Variants in BICD2 observed in about 807,000 individuals in gnomAD.
The protein encoded by BICD2 is BICD cargo adaptor 2.
In BICD2, 25 loss-of-function variants were observed where a neutral mutation model predicts 72.9. The ratio of observed to expected loss-of-function variants is 0.34; its 90% confidence interval spans 0.25 to 0.48. The LOEUF (loss-of-function observed/expected upper bound fraction) is 0.48. BICD2 is among the 20% of genes least tolerant of loss of function. The pLI, the probability that BICD2 is intolerant of heterozygous loss-of-function variation, is 0.99. For missense variants in BICD2, 894 were observed against 1,175.2 expected (o/e 0.76, Z 3.50); for synonymous variants, 501 against 516.1 (o/e 0.97, Z 0.40).
intron 2 of BICD2, among the ~76,000 whole-genome samples, chr9:92,723,381 A>G (rs1853502384): frequency 6.6e-6 from 1 of 152,226 alleles, no homozygotes; most frequent in South Asian, 2.1e-4. Flanking sequence ...GTTCAGCCAC[A>G]ATAAGGAATG....
chr9:92,745,091 T>A (rs1853982201), intron 1 of BICD2, among the ~76,000 whole-genome samples: 1 of 151,986 alleles, frequency 6.6e-6, no homozygotes, highest in South Asian at 2.1e-4. Flanking sequence ...AGCAAAAACC[T>A]GATATAAGAA....
At chr9:92,756,042 ACCTCAGCAC>A (rs962363764) in intron 1 of BICD2, among the ~76,000 whole-genome samples, 5 of 152,254 alleles carry the variant, frequency 3.3e-5, no homozygotes, top group Admixed American at 1.3e-4. Flanking sequence ...CCTCACTATG[ACCTCAGCAC>A]CCTCAATGGT....
At position 92,715,031 on chromosome 9, in the gene BICD2, G is replaced by A. The variant is rs1347723303; in HGVS notation, c.*123C>T. On this transcript the variant is annotated 3_prime_UTR_variant, in exon 7 of 7. Coordinates refer to ENST00000356884, the MANE Select transcript of BICD2 (RefSeq NM_001003800.2). ...CTGATGCAACGCCCCATGGCGCCTC[G>A]GCTAGACTCCTACCCTCTGTGCATT... 1.3e-5 allele frequency: 19 copies of A among 1,437,448 alleles called. No homozygotes were observed. Among genetic ancestry groups the A allele is most frequent in the South Asian group, 3.0e-5 (2 of 65,988 alleles). 89.0% of individuals were successfully genotyped at this position (1,437,448 alleles called of 1,614,324 possible).
intron 1 of BICD2, among the ~76,000 whole-genome samples, chr9:92,735,679 A>C (rs894662279): frequency 5.3e-5 from 8 of 151,850 alleles, no homozygotes; most frequent in Non-Finnish European, 1.5e-5. Context: ...GGGGCCTGTG[A>C]AGCAAACAGC....
At chr9:92,755,888 T>A (rs558838529) in intron 1 of BICD2, among the ~76,000 whole-genome samples, 2 of 152,298 alleles carry the variant, frequency 1.3e-5, no homozygotes, top group Admixed American at 6.5e-5. Context: ...AGGGAGAAAT[T>A]GATCCACCTC....
chr9:92,758,506 C>A lies in BICD2; in HGVS notation c.240+5999G>T, dbSNP rs142215406. On this transcript the variant is annotated intron_variant, in intron 1 of 6. Transcript: ENST00000356884. ...AGCAGAGGTTACAGTGAGCCAAGAT[C>A]GAGCTACTGTACTCCAGCCTGGGCA... Among the ~76,000 whole-genome samples, 161 of 137,184 alleles carry A rather than the reference C, an allele frequency of 1.2e-3. 2 individuals are homozygous for A. Among genetic ancestry groups the A allele is most frequent in the African/African-American group, 4.2e-3 (153 of 36,278 alleles). The allele number at this position is 137,184 out of a possible 152,430, so 90.0% of individuals were successfully genotyped here.
At chr9:92,756,267 T>C (rs1254461142) in intron 1 of BICD2, among the ~76,000 whole-genome samples, 1 of 151,878 alleles carries the variant, frequency 6.6e-6, no homozygotes, top group Non-Finnish European at 1.5e-5. Context: ...CTACTTTTTT[T>C]TTTTTTTTGT....
At position 92,734,322 on chromosome 9, in the gene BICD2, G is replaced by A. The variant is rs537783936; in HGVS notation, c.241-5086C>T. Among the ~76,000 whole-genome samples the A allele has an allele frequency of 1.5e-3, 230 of 152,154 alleles. 1 individual carries two copies. Among genetic ancestry groups the A allele is most frequent in the African/African-American group, 5.4e-3 (224 of 41,532 alleles). On this transcript the variant is annotated intron_variant, in intron 1 of 6. Transcript: ENST00000356884. ...AGGCCAGGAGTTCGAGACCATCCTG[G>A]CCAACATGGTGAAAACCCGTCTCTA...
intron 1 of BICD2, among the ~76,000 whole-genome samples, chr9:92,738,694 C>G (rs1398633297): frequency 6.6e-6 from 1 of 152,182 alleles, no homozygotes; most frequent in East Asian, 1.9e-4. Context: ...CTCTGGCTCC[C>G]TGGAGAAGGC....
chr9:92,714,644 G>A lies in BICD2; in HGVS notation c.*510C>T, dbSNP rs1048859408. 14 of 986,408 alleles carry A rather than the reference G, an allele frequency of 1.4e-5. No homozygotes were observed. Among genetic ancestry groups the A allele is most frequent in the African/African-American group, 1.4e-4 (8 of 57,256 alleles). 61.1% of individuals were successfully genotyped at this position (986,408 alleles called of 1,614,324 possible). ...AGTCAGATACTGCATAAACTACAAC[G>A]TACTCCTTTCCATGAAACTATGCCA... On this transcript the variant is annotated 3_prime_UTR_variant, in exon 7 of 7. Transcript: ENST00000356884.
intron 1 of BICD2, among the ~76,000 whole-genome samples, chr9:92,731,039 C>T (rs1025369975): frequency 1.3e-5 from 2 of 152,206 alleles, no homozygotes; most frequent in Non-Finnish European, 2.9e-5. Context: ...GAAGGGAAAC[C>T]GGACATGGAA....
At chr9:92,752,540 G>A (rs898175710) in intron 1 of BICD2, among the ~76,000 whole-genome samples, 3 of 152,138 alleles carry the variant, frequency 2.0e-5, no homozygotes, top group African/African-American at 7.2e-5. Context: ...GGCCAAGATA[G>A]GAGAAGTACA....
rs947716263 is a variant in BICD2, at chr9:92,711,912, C to T, written c.*3242G>A. On this transcript the variant is annotated 3_prime_UTR_variant, in exon 7 of 7. Coordinates refer to ENST00000356884, the MANE Select transcript of BICD2 (RefSeq NM_001003800.2). ...CTCCAAGAGTACCAATTTGACCACT[C>T]CCACTAACCTCACTCAGCAAACAAA... is the stretch of plus-strand genomic sequence containing the variant. 1 of 152,552 alleles carries T rather than the reference C, an allele frequency of 6.6e-6. No homozygotes were observed. The highest frequency in any genetic ancestry group is 2.4e-5 in the African/African-American group (1 of 41,422). The allele number at this position is 152,552 out of a possible 1,614,324, so 9.4% of individuals were successfully genotyped here.
chr9:92,718,442 TG>T (rs1853369802), intron 5 of BICD2, 96 bp downstream of exon 5: 26 of 1,446,056 alleles, frequency 1.8e-5, no homozygotes, highest in South Asian at 2.7e-5. Flanking sequence ...GACGCAGGCC[TG>T]GGGGGGCCCC....
rs1203522507 is a variant in BICD2 at position 92,764,242 on chromosome 9, T to A, written c.240+263A>T. Reference sequence around the variant, plus strand: ...CCCCGCCCCGCCGGGGCCGCCCAGGTCCGCACAGAAGCAGGCGGGCAGCTG... The same window carrying A: ...CCCCGCCCCGCCGGGGCCGCCCAGGACCGCACAGAAGCAGGCGGGCAGCTG... On this transcript the variant is annotated intron_variant, in intron 1 of 6. Coordinates refer to ENST00000356884, the MANE Select transcript of BICD2 (RefSeq NM_001003800.2). The surrounding 1 kb of genome is among the most constrained non-coding windows in gnomAD (Gnocchi z 5.5). 6.7e-6 allele frequency among the ~76,000 whole-genome samples: 1 copy of A among 148,550 alleles called. No homozygotes were observed. The highest frequency in any genetic ancestry group is 2.5e-5 in the African/African-American group (1 of 39,998).
intron 1 of BICD2, among the ~76,000 whole-genome samples, chr9:92,733,419 T>C (rs1218439339): frequency 6.6e-6 from 1 of 151,474 alleles, no homozygotes; most frequent in East Asian, 1.9e-4. Flanking sequence ...GTGCCTGTAA[T>C]CCCAGCTTCT....
chr9:92,728,289 C>T (rs1254314863), intron 2 of BICD2, among the ~76,000 whole-genome samples: 1 of 152,238 alleles, frequency 6.6e-6, no homozygotes, highest in African/African-American at 2.4e-5. Flanking sequence ...CCTATCAGGG[C>T]CCAAGAGCCA....
chr9:92,730,682 T>G (rs1853662840), intron 1 of BICD2, among the ~76,000 whole-genome samples: 1 of 152,114 alleles, frequency 6.6e-6, no homozygotes, highest in South Asian at 2.1e-4. Context: ...CTCGTGGTGT[T>G]GCGGGGGACA....
intron 1 of BICD2, among the ~76,000 whole-genome samples, chr9:92,761,617 G>A (rs1854374675): frequency 1.3e-5 from 2 of 152,216 alleles, no homozygotes; most frequent in Non-Finnish European, 2.9e-5. Context: ...CCCTGCCTGT[G>A]CCCTGAAGGC....
Sources: gnomAD v4.1 joint callset for allele counts (sites outside exome capture counted in the v4.1 genomes callset) on GRCh38, gnomAD v4.1.1 for gene constraint, Gnocchi (gnomAD v3.1) non-coding constraint, MANE v1.5 for transcripts, NCBI Gene and HGNC (gene_info 2026-07-23, HGNC 2026-07-21) for gene names.